Variants in SHCBP1 observed in about 807,000 individuals in gnomAD.
The protein encoded by SHCBP1 is SHC binding and spindle associated 1, also known as SHC SH2 domain-binding protein 1.
Under a neutral mutation model 75.1 loss-of-function variants are expected in SHCBP1, and 60 were observed. That is an observed-to-expected ratio of 0.80 (90% CI 0.65 to 0.99). The LOEUF is 0.99. SHCBP1 is among the 50% of genes least tolerant of loss of function. The probability of loss-of-function intolerance (pLI) is 0.00; values close to 1 mark genes in which losing one functional copy is unlikely to be tolerated. For synonymous variants in SHCBP1, 290 were observed against 293.2 expected (o/e 0.99, Z 0.11); for missense variants, 709 against 809.4 (o/e 0.88, Z 1.50).
intron 10 of SHCBP1, among the ~76,000 whole-genome samples, chr16:46,587,131 A>T (rs2142997766): frequency 6.6e-6 from 1 of 152,280 alleles, no homozygotes; most frequent in South Asian, 2.1e-4. Context: ...ATGGTTCTAG[A>T]TGTACGTACA....
chr16:46,618,427 A>G (rs1308916618), intron 1 of SHCBP1, 55 bp from the exon 2 acceptor site: 31 of 1,490,360 alleles, frequency 2.1e-5, no homozygotes, highest in Non-Finnish European at 2.7e-5. Flanking sequence ...GAATGCTTCT[A>G]TTTTCATATC....
intron 10 of SHCBP1, among the ~76,000 whole-genome samples, chr16:46,591,102 G>T (rs1007126472): frequency 1.3e-5 from 2 of 152,150 alleles, no homozygotes; most frequent in African/African-American, 4.8e-5. Flanking sequence ...TCACTCATAG[G>T]TGGGAATTGA....
At position 46,581,711 on chromosome 16, in the gene SHCBP1, C is replaced by T; in HGVS notation, c.*18G>A. The stretch of plus-strand genomic sequence containing the variant: ...TGTGCAAAATCCAGTATTTTGCTAT[C>T]TACTTACATCACTGTAGTCAGAAAA... On this transcript the variant is annotated 3_prime_UTR_variant, in exon 13 of 13. Coordinates refer to ENST00000303383, the MANE Select transcript of SHCBP1 (RefSeq NM_024745.5). The T allele has an allele frequency of 6.3e-7, 1 of 1,599,098 alleles. No individual in the cohort carries two copies. The highest frequency in any genetic ancestry group is 8.5e-7 in the Non-Finnish European group (1 of 1,170,646).
Position 46,602,677 on chromosome 16 carries a change from C to T in SHCBP1, c.1213+862G>A, listed in dbSNP as rs182270788. Among the ~76,000 whole-genome samples the T allele has an allele frequency of 2.5e-4, 38 of 152,320 alleles. No individual in the cohort carries two copies. In the East Asian group the frequency reaches 7.1e-3, roughly 29 times the overall value. ...ACAGAGTCTTGCTCTGTCACCCAGG[C>T]TGAAGCATAGTAGTATGATCTTGGC... On this transcript the variant is annotated intron_variant, in intron 8 of 12. Coordinates refer to ENST00000303383, the MANE Select transcript of SHCBP1 (RefSeq NM_024745.5).
intron 8 of SHCBP1, among the ~76,000 whole-genome samples, chr16:46,601,232 C>G (rs1965231369): frequency 6.6e-6 from 1 of 152,046 alleles, no homozygotes; most frequent in African/African-American, 2.4e-5. Context: ...TCGCTTGAAC[C>G]CAGGAGACAG....
At chr16:46,607,056 G>C (rs571729187) in intron 5 of SHCBP1, among the ~76,000 whole-genome samples, 19 of 151,938 alleles carry the variant, frequency 1.3e-4, no homozygotes, top group African/African-American at 4.6e-4. Flanking sequence ...AACTCCTAAG[G>C]TCAAGAGGTC....
intron 9 of SHCBP1, among the ~76,000 whole-genome samples, chr16:46,599,027 A>G (rs139586293): frequency 6.6e-6 from 1 of 152,340 alleles, no homozygotes; most frequent in African/African-American, 2.4e-5. Context: ...CTGCTCTGCA[A>G]TACGCTCTGA....
In SHCBP1 at chr16:46,603,648, A is replaced by G; in HGVS notation, c.1104T>C (p.Asp368=). The change falls in exon 8 of 13, where the codon GAT becomes GAC. Residue 368 remains aspartate (D), a synonymous_variant. Transcript: ENST00000303383. ...EEEREIQFHS[D]PLSAINACFE... Reference sequence around the variant, plus strand: ...AGCAGGCATTTATAGCAGACAATGGATCACTATGGAACTAGAAAACAATAA... The same window carrying G: ...AGCAGGCATTTATAGCAGACAATGGGTCACTATGGAACTAGAAAACAATAA... 1 of 1,614,218 alleles carries G rather than the reference A, an allele frequency of 6.2e-7. No individual in the cohort carries two copies.
intron 4 of SHCBP1, among the ~76,000 whole-genome samples, chr16:46,610,490 T>C (rs1965394042): frequency 6.9e-6 from 1 of 145,288 alleles, no homozygotes; most frequent in South Asian, 2.2e-4. Context: ...CCTTGCAATT[T>C]ATTGACTAAT....
chr16:46,610,027 T>C (rs1205629202), intron 4 of SHCBP1, among the ~76,000 whole-genome samples: 3 of 151,740 alleles, frequency 2.0e-5, no homozygotes, highest in Non-Finnish European at 4.4e-5. Flanking sequence ...CTCGTCTCAC[T>C]GGAACCTCCA....
intron 8 of SHCBP1, among the ~76,000 whole-genome samples, chr16:46,601,577 A>G (rs1965237405): frequency 6.6e-6 from 1 of 152,172 alleles, no homozygotes; most frequent in Non-Finnish European, 1.5e-5. Context: ...GAGGACAAAC[A>G]AGGCTTTGGG....
At chr16:46,603,752 T>G in intron 7 of SHCBP1, 93 bp from the exon 8 acceptor site, 2 of 1,529,484 alleles carry the variant, frequency 1.3e-6, no homozygotes, top group Admixed American at 1.8e-5. Context: ...ACTTTGAAAA[T>G]GGAAGCCAAA....
chr16:46,616,154 T>C lies in SHCBP1; in HGVS notation c.388A>G (p.Ile130Val), dbSNP rs770344569. ...HTNVFKVLVE[I>V]TDVDFAALKA... Reference sequence around the variant, plus strand: ...AAGGCTGCAAAGTCCACATCTGTGATCTGAAATTTAAAATAATGTGACTTA... The same window carrying C: ...AAGGCTGCAAAGTCCACATCTGTGACCTGAAATTTAAAATAATGTGACTTA... Residue 130 changes from isoleucine to valine, a missense_variant and splice_region_variant, in exon 4 of 13, where the codon ATC (isoleucine) becomes GTC (valine). Physicochemically the swap from Ile to Val is conservative, Grantham distance 29. Coordinates refer to ENST00000303383, the MANE Select transcript of SHCBP1 (RefSeq NM_024745.5). This position sits in a 1 kb window ranked among gnomAD's most constrained non-coding sequence, Gnocchi z 4.4. 5.0e-6 allele frequency: 8 copies of C among 1,612,166 alleles called. No homozygotes were observed. In the African/African-American group the frequency reaches 8.0e-5, roughly 16 times the overall value.
At chr16:46,583,334 T>G (rs1335802337) in intron 12 of SHCBP1, among the ~76,000 whole-genome samples, 182 bp downstream of exon 12, 1 of 152,218 alleles carries the variant, frequency 6.6e-6, no homozygotes, top group Non-Finnish European at 1.5e-5. Context: ...CTAGTTGACC[T>G]TGAAAGTTTC....
chr16:46,594,270 G>A (rs1965099305), intron 10 of SHCBP1, among the ~76,000 whole-genome samples: 1 of 152,152 alleles, frequency 6.6e-6, no homozygotes, highest in Non-Finnish European at 1.5e-5. Context: ...TAAATACTTT[G>A]CTCCATAAAA....
intron 10 of SHCBP1, among the ~76,000 whole-genome samples, chr16:46,593,167 A>T (rs1965078694): frequency 6.6e-6 from 1 of 151,894 alleles, no homozygotes; most frequent in Non-Finnish European, 1.5e-5. Flanking sequence ...AAAGAAAAAA[A>T]AGAACCTGCA....
rs144054467 is a variant in SHCBP1, at chr16:46,593,657, A to G, written c.1464+1895T>C. Among the ~76,000 whole-genome samples, 748 of 152,236 alleles carry G rather than the reference A, an allele frequency of 4.9e-3. 3 individuals are homozygous for G. Among genetic ancestry groups the G allele is most frequent in the African/African-American group, 0.017 (706 of 41,534 alleles). Reference sequence around the variant, plus strand: ...GAGGCAGAGTTGGGAAGATGGCTTGAGCCCAGGAGACTGAAGCTATGCCAT... The same window carrying G: ...GAGGCAGAGTTGGGAAGATGGCTTGGGCCCAGGAGACTGAAGCTATGCCAT... On this transcript the variant is annotated intron_variant, in intron 10 of 12. Coordinates refer to ENST00000303383, the MANE Select transcript of SHCBP1 (RefSeq NM_024745.5).
In SHCBP1 at chr16:46,586,653, A is replaced by G. The variant is rs545145576; in HGVS notation, c.1465-2564T>C. On this transcript the variant is annotated intron_variant, in intron 10 of 12. Transcript: ENST00000303383. ...GGATAAACTCAAAGAAATCCACGCC[A>G]ACATACATCATAATTAAACTAGTGT... 7.2e-5 allele frequency among the ~76,000 whole-genome samples: 11 copies of G among 152,308 alleles called. No homozygotes were observed. In the South Asian group the frequency reaches 2.3e-3, roughly 32 times the overall value.
intron 4 of SHCBP1, among the ~76,000 whole-genome samples, chr16:46,615,537 C>T (rs556230672): frequency 3.4e-4 from 52 of 152,184 alleles, no homozygotes; most frequent in African/African-American, 1.2e-3. Context: ...GTCAAGAGTT[C>T]GAGACTGACC....
Sources: allele counts gnomAD v4.1 joint callset (sites outside exome capture counted in the v4.1 genomes callset), GRCh38; gene constraint gnomAD v4.1.1; non-coding constraint Gnocchi (gnomAD v3.1); transcripts MANE v1.5; gene names NCBI Gene and HGNC (gene_info 2026-07-23, HGNC 2026-07-21).